Variants in NPAS3 observed in about 807,000 individuals in gnomAD.
NPAS3 encodes neuronal PAS domain protein 3, also known as neuronal PAS domain-containing protein 3.
A neutral mutation model predicts 73.1 loss-of-function variants in NPAS3; 14 were observed. That is an observed-to-expected ratio of 0.19 (90% confidence interval 0.13 to 0.30). The LOEUF is 0.30. Among genes scored for constraint, NPAS3 ranks in the 10% least tolerant of loss-of-function variants. The pLI, the probability that NPAS3 is intolerant of heterozygous loss-of-function variation, is 1.00. For synonymous variants in NPAS3, 620 were observed against 541.5 expected (o/e 1.14, Z -2.01); for missense variants, 1,096 against 1,250.0 (o/e 0.88, Z 1.86).
chr14:33,302,502 A>G (rs1325961127), intron 3 of NPAS3, among the ~76,000 whole-genome samples: 1 of 152,252 alleles, frequency 6.6e-6, no homozygotes, highest in Non-Finnish European at 1.5e-5. Context: ...TAGTCTATGC[A>G]TCAAAGTGTG....
At chr14:33,134,115 T>A (rs1037778081) in intron 2 of NPAS3, among the ~76,000 whole-genome samples, 8 of 152,206 alleles carry the variant, frequency 5.3e-5, no homozygotes, top group African/African-American at 1.9e-4. Context: ...TTGACTGCTA[T>A]TTGGAATCTG....
At chr14:33,344,748 C>A (rs1007674995) in intron 3 of NPAS3, among the ~76,000 whole-genome samples, 1 of 152,108 alleles carries the variant, frequency 6.6e-6, no homozygotes, top group Non-Finnish European at 1.5e-5. Flanking sequence ...AATTTAATAG[C>A]GTACAGTTTC....
chr14:33,763,313 A>C (rs990441850), intron 7 of NPAS3, among the ~76,000 whole-genome samples: 1 of 152,262 alleles, frequency 6.6e-6, no homozygotes, highest in Non-Finnish European at 1.5e-5. Flanking sequence ...GGTTGAATTA[A>C]ACAGCCTTTT....
intron 1 of NPAS3, among the ~76,000 whole-genome samples, chr14:33,041,823 G>A (rs1271020332): frequency 1.3e-5 from 2 of 152,142 alleles, no homozygotes; most frequent in Non-Finnish European, 2.9e-5. Flanking sequence ...GGATGGGTAA[G>A]GAAGAGGAGT....
chr14:33,582,123 A>G (rs184515419), intron 5 of NPAS3: 1 of 152,320 alleles, frequency 6.6e-6, no homozygotes, highest in African/African-American at 2.4e-5. Context: ...AACATATTTT[A>G]AGGGATTGTC....
intron 3 of NPAS3, among the ~76,000 whole-genome samples, chr14:33,284,804 CTATCTATCTATA>C (rs1397507614): frequency 7.5e-4 from 92 of 123,024 alleles, no homozygotes; most frequent in Middle Eastern, 4.4e-3. Flanking sequence ...ATCTATCTAT[CTATCTATCTATA>C]TAATCTTCTC....
rs539957163 is a variant in NPAS3, at chr14:33,667,986, T to G, written c.559-8225T>G. ...GTAGGTAAACGTGTGCCATGGTGGT[T>G]TACTGTACCTATCAACCCATTAGAT... On this transcript the variant is annotated intron_variant, in intron 5 of 11. Coordinates refer to ENST00000356141, the Ensembl canonical transcript of NPAS3. Among the ~76,000 whole-genome samples, 23 of 152,228 alleles carry G rather than the reference T, an allele frequency of 1.5e-4. No homozygotes were observed. The South Asian group carries it at 3.5e-3, about 23-fold the overall frequency.
At chr14:33,555,692 G>A (rs1459701503) in intron 4 of NPAS3, among the ~76,000 whole-genome samples, 1 of 152,128 alleles carries the variant, frequency 6.6e-6, no homozygotes, top group Non-Finnish European at 1.5e-5. Context: ...TTATAGCAGA[G>A]ACAATCCTGA....
intron 5 of NPAS3, among the ~76,000 whole-genome samples, chr14:33,563,815 C>G (rs1228632304): frequency 6.6e-6 from 1 of 152,072 alleles, no homozygotes; most frequent in Admixed American, 6.6e-5. Context: ...ATGGAACAGG[C>G]AGAAGTGAAA....
At chr14:33,063,560 C>G (rs759111794) in intron 2 of NPAS3, among the ~76,000 whole-genome samples, 1 of 152,106 alleles carries the variant, frequency 6.6e-6, no homozygotes, top group Non-Finnish European at 1.5e-5. Context: ...TACCCCATCC[C>G]CCTCCATTTT....
chr14:32,937,339 C>T (rs1351721422), upstream of NPAS3, among the ~76,000 whole-genome samples: 2 of 152,232 alleles, frequency 1.3e-5, no homozygotes, highest in African/African-American at 2.4e-5. Context: ...GAGTCCGCCG[C>T]GGGAGTGACA....
intron 1 of NPAS3, among the ~76,000 whole-genome samples, chr14:32,974,879 A>C (rs1032401943): frequency 6.6e-6 from 1 of 152,210 alleles, no homozygotes; most frequent in Non-Finnish European, 1.5e-5. Context: ...TAAAAATATC[A>C]GTATCAAACA....
At chr14:33,135,374 A>T (rs534323844) in intron 2 of NPAS3, among the ~76,000 whole-genome samples, 1 of 152,300 alleles carries the variant, frequency 6.6e-6, no homozygotes, top group South Asian at 2.1e-4. Context: ...CTTGGCCACT[A>T]TACTGTTTGG....
intron 3 of NPAS3, among the ~76,000 whole-genome samples, chr14:33,278,517 G>T (rs1392145573): frequency 7.3e-6 from 1 of 137,516 alleles, no homozygotes; most frequent in Non-Finnish European, 1.6e-5. Flanking sequence ...AAAAAAAAAA[G>T]TATCTCAAGA....
chr14:33,023,967 G>A (rs2039700555), intron 1 of NPAS3, among the ~76,000 whole-genome samples: 1 of 152,040 alleles, frequency 6.6e-6, no homozygotes, highest in Non-Finnish European at 1.5e-5. Flanking sequence ...ATACTGATGT[G>A]GCCCTTAGAT....
intron 6 of NPAS3, among the ~76,000 whole-genome samples, chr14:33,692,895 A>G (rs1248004195): frequency 1.4e-5 from 2 of 148,134 alleles, no homozygotes; most frequent in Non-Finnish European, 3.0e-5. Context: ...ACTTTATCGT[A>G]GCAAAATATC....
At chr14:33,218,098 T>C (rs1295534896) in intron 3 of NPAS3, among the ~76,000 whole-genome samples, 1 of 152,190 alleles carries the variant, frequency 6.6e-6, no homozygotes, top group Non-Finnish European at 1.5e-5. Flanking sequence ...TTGTTGCAGT[T>C]TCTGGAATGG....
chr14:33,345,289 T>C (rs982522394), intron 3 of NPAS3, among the ~76,000 whole-genome samples: 1 of 152,206 alleles, frequency 6.6e-6, no homozygotes, highest in African/African-American at 2.4e-5. Flanking sequence ...GAACCGAATG[T>C]GAGAGGCAAG....
intron 1 of NPAS3, among the ~76,000 whole-genome samples, chr14:32,966,777 A>AAG (rs2037187193): frequency 1.1e-5 from 1 of 92,086 alleles, no homozygotes; most frequent in Non-Finnish European, 2.5e-5. Context: ...ACTCCGTCTC[A>AAG]AAAAAAAAAA....
Sources: allele counts gnomAD v4.1 joint callset (sites outside exome capture counted in the v4.1 genomes callset), GRCh38; gene constraint gnomAD v4.1.1; transcripts MANE v1.5; gene names NCBI Gene and HGNC (gene_info 2026-07-23, HGNC 2026-07-21).